CDH1: variants seen among roughly 807,000 people sequenced by gnomAD.
CDH1 encodes cadherin-1.
A neutral mutation model predicts 84.5 loss-of-function variants in CDH1; 35 were observed. The ratio of observed to expected loss-of-function variants is 0.41; its 90% CI spans 0.32 to 0.55. The LOEUF (loss-of-function observed/expected upper bound fraction) is 0.55. Ranked by LOEUF, CDH1 falls within the 20% of genes least tolerant of loss-of-function variation. The pLI is 0.19. For synonymous variants in CDH1, 417 were observed against 439.0 expected (o/e 0.95, Z 0.63); for missense variants, 994 against 1,126.6 (o/e 0.88, Z 1.68).
intron 15 of CDH1, 112 bp downstream of exon 15, chr16:68,829,909 C>A: frequency 9.0e-7 from 1 of 1,108,270 alleles, no homozygotes; most frequent in Non-Finnish European, 1.3e-6. Context: ...ATGTTTTCAG[C>A]TTGCCTGAGC....
At position 68,828,183 on chromosome 16, in the gene CDH1, T is replaced by C; in HGVS notation, c.2174T>C (p.Leu725Pro). ...GGILALLILI[L>P]LLLLFLRRRA... is the part of the protein sequence containing the mutation. ...TCCCCCACCATCCCAGTTCTGATTC[T>C]GCTGCTCTTGCTGTTTCTTCGGAGG... Residue 725 changes from leucine (L) to proline (P), a missense_variant, in exon 14 of 16, where the codon CTG becomes CCG. By Grantham distance (98) the Leu-to-Pro change is moderately conservative. Coordinates refer to ENST00000261769, the MANE Select transcript of CDH1 (RefSeq NM_004360.5). 6.2e-7 allele frequency: 1 copy of C among 1,613,956 alleles called. No individual in the cohort carries two copies. The highest frequency in any genetic ancestry group is 8.5e-7 in the Non-Finnish European group (1 of 1,179,896).
rs1597898295 is a variant in CDH1, at chr16:68,815,741, T to G, written c.1547T>G (p.Phe516Cys). The G allele has an allele frequency of 6.2e-7, 1 of 1,614,146 alleles. No homozygotes were observed. The highest frequency in any genetic ancestry group is 1.3e-5 in the African/African-American group (1 of 74,956). Residue 516 changes from phenylalanine (F) to cysteine (C), a missense_variant, in exon 10 of 16, where the codon TTT becomes TGT. Coordinates refer to ENST00000261769, the MANE Select transcript of CDH1 (RefSeq NM_004360.5). Reference sequence around the variant, plus strand: ...TACACTGCCCAGGAGCCAGACACATTTATGGAACAGAAAATAACGTAAGTG... The same window carrying G: ...TACACTGCCCAGGAGCCAGACACATGTATGGAACAGAAAATAACGTAAGTG... ...TSYTAQEPDT[F>C]MEQKITYRIW...
At chr16:68,753,393 C>T (rs1443177136) in intron 2 of CDH1, among the ~76,000 whole-genome samples, 1 of 151,480 alleles carries the variant, frequency 6.6e-6, no homozygotes, top group African/African-American at 2.4e-5. Flanking sequence ...GTCACCCAGG[C>T]TGGAGGGCAG....
Position 68,811,607 on chromosome 16 carries a change from C to T in CDH1, c.833-77C>T, listed in dbSNP as rs36102783. On this transcript the variant is annotated intron_variant, in intron 6 of 15. Transcript: ENST00000261769. ...ATGTCCCCTCCTTTATCCCTCAGGG[C>T]AGAATTGGATTAAGCAGTATTGACC... 9.4e-5 allele frequency: 121 copies of T among 1,282,658 alleles called. 1 individual carries two copies. The African/African-American group carries it at 1.7e-3, about 18-fold the overall frequency. 79.5% of individuals were successfully genotyped at this position (1,282,658 alleles called of 1,614,324 possible). A position where few individuals can be genotyped will look rare whatever the true frequency, so the allele number is the denominator to read the frequency against.
intron 2 of CDH1, among the ~76,000 whole-genome samples, chr16:68,759,534 G>A (rs557971897): frequency 7.3e-5 from 11 of 149,694 alleles, no homozygotes; most frequent in African/African-American, 2.7e-4. Context: ...CTGTTGCCTG[G>A]GCTGGAGTGC....
chr16:68,743,942 T>A (rs1228648998), intron 2 of CDH1, among the ~76,000 whole-genome samples: 5 of 152,216 alleles, frequency 3.3e-5, no homozygotes, highest in African/African-American at 9.6e-5. Flanking sequence ...CAAAAGTGAG[T>A]GCCTGTTGTG....
intron 2 of CDH1, among the ~76,000 whole-genome samples, chr16:68,738,647 A>G (rs1015417113): frequency 6.6e-6 from 1 of 152,168 alleles, no homozygotes; most frequent in Non-Finnish European, 1.5e-5. Flanking sequence ...GGTTGAGGGC[A>G]CTTACTAGAA....
rs1198550913 is a variant in CDH1, at chr16:68,834,161, C to T, written c.*662C>T. 3 of 482,446 alleles carry T rather than the reference C, an allele frequency of 6.2e-6. No homozygotes were observed. Among genetic ancestry groups the T allele is most frequent in the Admixed American group, 4.7e-5 (2 of 42,370 alleles). 29.9% of individuals were successfully genotyped at this position (482,446 alleles called of 1,614,324 possible). ...TTGAGACGGGGTCTCCCTGTGTTACCCAGGCTGGTCTCAAACTCCTGGGCT... is the reference window on the plus strand; with the variant it reads ...TTGAGACGGGGTCTCCCTGTGTTACTCAGGCTGGTCTCAAACTCCTGGGCT... On this transcript the variant is annotated 3_prime_UTR_variant, in exon 16 of 16. Coordinates refer to ENST00000261769, the MANE Select transcript of CDH1 (RefSeq NM_004360.5).
chr16:68,798,299 A>G (rs1351912076), intron 2 of CDH1, among the ~76,000 whole-genome samples: 1 of 152,072 alleles, frequency 6.6e-6, no homozygotes, highest in Non-Finnish European at 1.5e-5. Context: ...CTGATCCTCC[A>G]GTTTCAACAT....
intron 2 of CDH1, among the ~76,000 whole-genome samples, chr16:68,773,282 CAA>C (rs1329855860): frequency 6.6e-6 from 1 of 150,436 alleles, no homozygotes; most frequent in African/African-American, 2.4e-5. Context: ...GAGTTATACT[CAA>C]GTTATTTTCC....
rs1441388154 is a variant in CDH1 at position 68,799,559 on chromosome 16, C to G, written c.164-2111C>G. 2.0e-5 allele frequency among the ~76,000 whole-genome samples: 3 copies of G among 152,016 alleles called. No homozygotes were observed. In the East Asian group the frequency reaches 5.8e-4, roughly 29 times the overall value. ...TTCCTATAATTTCCTATAATCAGCC[C>G]AGGGGATCAGGTTGCATGAGGAGAT... On this transcript the variant is annotated intron_variant, in intron 2 of 15. Transcript: ENST00000261769.
intron 2 of CDH1, among the ~76,000 whole-genome samples, chr16:68,786,547 T>TTTTTTTTTTTTTTTG: frequency 7.1e-6 from 1 of 141,536 alleles, no homozygotes; most frequent in Non-Finnish European, 1.5e-5. Context: ...TTTTTTTTTT[T>TTTTTTTTTTTTTTTG]TTTTTTGGTA....
intron 2 of CDH1, among the ~76,000 whole-genome samples, chr16:68,745,545 A>ATATATAT (rs1399448265): frequency 1.0e-4 from 2 of 19,460 alleles, no homozygotes; most frequent in African/African-American, 2.1e-4. Context: ...AAAAAAAAAA[A>ATATATAT]AAAAATATAT....
chr16:68,744,320 T>G (rs1962667917), intron 2 of CDH1, among the ~76,000 whole-genome samples: 1 of 152,178 alleles, frequency 6.6e-6, no homozygotes, highest in Non-Finnish European at 1.5e-5. Flanking sequence ...ATCTCAAACC[T>G]GAGTCTGGAA....
chr16:68,745,131 A>G (rs1962688028), intron 2 of CDH1, among the ~76,000 whole-genome samples: 1 of 151,790 alleles, frequency 6.6e-6, no homozygotes, highest in Non-Finnish European at 1.5e-5. Context: ...AGGCGCAGCT[A>G]GGGCCGGGGG....
chr16:68,740,042 TGTC>T (rs1291627110), intron 2 of CDH1, among the ~76,000 whole-genome samples: 1 of 152,232 alleles, frequency 6.6e-6, no homozygotes, highest in Non-Finnish European at 1.5e-5. Context: ...ACTTGACTGT[TGTC>T]CAGGGAGCAA....
rs556509305 is a variant in CDH1 at position 68,824,394 on chromosome 16, C to T, written c.2164+768C>T. ...AGACCTTGGGGGCTGCCCTCATCAG[C>T]GTGGTCTAAGCTAGCCAGCTCACCA... is the stretch of plus-strand genomic sequence containing the variant. On this transcript the variant is annotated intron_variant, in intron 13 of 15. Coordinates refer to ENST00000261769, the MANE Select transcript of CDH1 (RefSeq NM_004360.5). 5.9e-5 allele frequency among the ~76,000 whole-genome samples: 9 copies of T among 152,256 alleles called. No homozygotes were observed. In the South Asian group the frequency reaches 1.4e-3, roughly 25 times the overall value.
chr16:68,828,029 T>C, intron 13 of CDH1, 145 bp from the exon 14 acceptor site: 1 of 842,150 alleles, frequency 1.2e-6, no homozygotes, highest in Non-Finnish European at 2.0e-6. Flanking sequence ...GTCACGTGGA[T>C]TGACATCTTC....
Position 68,810,401 on chromosome 16 carries a change from A to G in CDH1, c.832+60A>G, listed in dbSNP as rs1476652941. 5 of 1,530,152 alleles carry G rather than the reference A, an allele frequency of 3.3e-6. No homozygotes were observed. The South Asian group carries it at 4.5e-5, about 14-fold the overall frequency. 94.8% of individuals were successfully genotyped at this position (1,530,152 alleles called of 1,614,324 possible). A position where few individuals can be genotyped will look rare whatever the true frequency, so the allele number is the denominator to read the frequency against. On this transcript the variant is annotated intron_variant, in intron 6 of 15. Coordinates refer to ENST00000261769, the MANE Select transcript of CDH1 (RefSeq NM_004360.5). ...AGACTCTTAGGTTCTTTGGACCCCA[A>G]AGTGTTGTCCAAGCCCAAAGGTTGT...
Sources: gnomAD v4.1 joint callset for allele counts (sites outside exome capture counted in the v4.1 genomes callset) on GRCh38, gnomAD v4.1.1 for gene constraint, MANE v1.5 for transcripts, NCBI Gene and HGNC (gene_info 2026-07-23, HGNC 2026-07-21) for gene names.